The following PSMC2 variants were observed in gnomAD, a reference collection of about 807,000 sequenced individuals.
PSMC2 encodes 26S proteasome regulatory subunit 7.
A neutral mutation model predicts 53.3 loss-of-function variants in PSMC2; 7 were observed. The ratio of observed to expected loss-of-function variants is 0.13; its 90% CI spans 0.07 to 0.25. The LOEUF (loss-of-function observed/expected upper bound fraction) is 0.25. PSMC2 is among the 10% of genes least tolerant of loss of function. The pLI is 1.00. For missense variants in PSMC2, 241 were observed against 544.0 expected, an observed-to-expected ratio of 0.44 and a Z score of 5.54; for synonymous variants, 169 against 183.9, an observed-to-expected ratio of 0.92 and a Z score of 0.66.
chr7:103,368,356 G>A lies in PSMC2; in HGVS notation c.*302G>A, dbSNP rs928897391. The A allele has an allele frequency of 5.6e-5, 12 of 212,664 alleles. No individual in the cohort carries two copies. 13.2% of individuals were successfully genotyped at this position (212,664 alleles called of 1,614,324 possible). On this transcript the variant is annotated 3_prime_UTR_variant, in exon 12 of 12. Coordinates refer to ENST00000292644, the MANE Select transcript of PSMC2 (RefSeq NM_002803.4). ...GGTGCTCTACATATAAATTCTCATT[G>A]TATCCTCCCATCTGTCCACTGAGGA...
At chr7:103,362,166 G>C in intron 5 of PSMC2, 78 bp downstream of exon 5, 1 of 1,579,852 alleles carries the variant, frequency 6.3e-7, no homozygotes, top group Non-Finnish European at 8.6e-7. Flanking sequence ...GCTTTGTAGT[G>C]AATAAATGGA....
intron 4 of PSMC2, among the ~76,000 whole-genome samples, chr7:103,359,288 G>A (rs1820237277): frequency 6.6e-6 from 1 of 151,356 alleles, no homozygotes; most frequent in Admixed American, 6.6e-5. Context: ...GTGAGCCACC[G>A]TGCCCAGCCA....
At chr7:103,357,379 T>A (rs969003086) in intron 4 of PSMC2, among the ~76,000 whole-genome samples, 2 of 152,060 alleles carry the variant, frequency 1.3e-5, no homozygotes, top group African/African-American at 4.8e-5. Context: ...ACAACTGTAT[T>A]TCCCAATTTC....
intron 1 of PSMC2, among the ~76,000 whole-genome samples, chr7:103,351,471 T>G (rs1471214918): frequency 1.3e-5 from 2 of 152,218 alleles, no homozygotes; most frequent in Non-Finnish European, 2.9e-5. Flanking sequence ...CCCAGGGTTT[T>G]TATTATGGGT....
At chr7:103,352,651 T>G (rs1217948267) in intron 1 of PSMC2, 1 of 521,036 alleles carries the variant, frequency 1.9e-6, no homozygotes, top group African/African-American at 1.9e-5. Flanking sequence ...GCAATCCGCC[T>G]GTCTCGGCCT....
At chr7:103,355,871 C>A in intron 4 of PSMC2, 78 bp downstream of exon 4, 3 of 942,316 alleles carry the variant, frequency 3.2e-6, no homozygotes, top group Non-Finnish European at 4.7e-6. Context: ...AGGGATAATG[C>A]AATAGTTCAT....
chr7:103,355,780 T>C lies in PSMC2; in HGVS notation c.277T>C (p.Leu93=). 6.2e-7 allele frequency: 1 copy of C among 1,613,528 alleles called. No homozygotes were observed. The highest frequency in any genetic ancestry group is 8.5e-7 in the Non-Finnish European group (1 of 1,179,594). Reference sequence around the variant, plus strand: ...GCAGACACTCCAGAGTGAACAGCCTTTACAGGTTGCCAGGTATGCACGGGT... The same window carrying C: ...GCAGACACTCCAGAGTGAACAGCCTCTACAGGTTGCCAGGTATGCACGGGT... ...DKQTLQSEQP[L]QVARCTKIIN... The change falls in exon 4 of 12, where the codon TTA becomes CTA. Residue 93 remains leucine, a synonymous_variant. Transcript: ENST00000292644.
intron 5 of PSMC2, 119 bp downstream of exon 5, chr7:103,362,207 T>A: frequency 6.6e-7 from 1 of 1,521,062 alleles, no homozygotes; most frequent in Non-Finnish European, 8.7e-7. Flanking sequence ...AAGGATGATC[T>A]AGTAATGTAC....
intron 4 of PSMC2, among the ~76,000 whole-genome samples, chr7:103,360,601 G>T (rs1820325918): frequency 6.6e-6 from 1 of 152,082 alleles, no homozygotes; most frequent in South Asian, 2.1e-4. Flanking sequence ...CTACCTATGT[G>T]CGCACTCCAC....
intron 4 of PSMC2, among the ~76,000 whole-genome samples, chr7:103,358,546 C>T (rs1179249405): frequency 6.6e-6 from 1 of 151,836 alleles, no homozygotes; most frequent in South Asian, 2.1e-4. Flanking sequence ...TTTTCTTTAT[C>T]TTTGAATTTT....
At position 103,369,170 on chromosome 7, in the gene PSMC2, GAAATT is replaced by G. The variant is rs1254200789; in HGVS notation, c.*1120_*1124del. 1 of 152,084 alleles carries G rather than the reference GAAATT, an allele frequency of 6.6e-6. No homozygotes were observed. The highest frequency in any genetic ancestry group is 1.5e-5 in the Non-Finnish European group (1 of 67,994). The allele number at this position is 152,084 out of a possible 1,614,324, so 9.4% of individuals were successfully genotyped here. A position where few individuals can be genotyped will look rare whatever the true frequency, so the allele number is the denominator to read the frequency against. On this transcript the variant is annotated 3_prime_UTR_variant, in exon 12 of 12. Transcript: ENST00000292644. ...AAAATTATGAAAGTTTTCAAGTAAA[GAAATT>G]AAAGCCTTTTATAAAATCCAACCAA... is the stretch of plus-strand genomic sequence containing the variant.
In PSMC2 at chr7:103,368,057, C is replaced by A; in HGVS notation, c.*3C>A. 5 of 1,594,840 alleles carry A rather than the reference C, an allele frequency of 3.1e-6. No homozygotes were observed. The highest frequency in any genetic ancestry group is 4.3e-6 in the Non-Finnish European group (5 of 1,169,754). On this transcript the variant is annotated 3_prime_UTR_variant, in exon 12 of 12. Transcript: ENST00000292644. ...CTCGTTACATGACATACAACTGAAC[C>A]CTGAAGGCTTTCAAGTGAAAACTTT...
In PSMC2 at chr7:103,367,853, AG is replaced by A. The variant is rs1445599659; in HGVS notation, c.1145-42del. 2 of 1,612,828 alleles carry A rather than the reference AG, an allele frequency of 1.2e-6. No individual in the cohort carries two copies. The highest frequency in any genetic ancestry group is 1.7e-6 in the Non-Finnish European group (2 of 1,179,446). On this transcript the variant is annotated intron_variant, in intron 11 of 11. Transcript: ENST00000292644. This position sits in a 1 kb window ranked among gnomAD's most constrained non-coding sequence, Gnocchi z 6.1. Reference sequence around the variant, plus strand: ...CTTATATTTGCTGGTCTGTCTGCTCAGGCTGCTTTAATTAAGCCCGTTTATT... The same window carrying A: ...CTTATATTTGCTGGTCTGTCTGCTCAGCTGCTTTAATTAAGCCCGTTTATT...
At chr7:103,355,821 A>C (rs1293965630) in intron 4 of PSMC2, 28 bp downstream of exon 4, 1 of 1,499,462 alleles carries the variant, frequency 6.7e-7, no homozygotes, top group Non-Finnish European at 9.3e-7. Flanking sequence ...GTGGCAACTT[A>C]CCTTTGTCTG....
chr7:103,367,627 A>G lies in PSMC2; in HGVS notation c.1047+12A>G. 1.9e-6 allele frequency: 3 copies of G among 1,612,256 alleles called. No individual in the cohort carries two copies. Among genetic ancestry groups the G allele is most frequent in the Non-Finnish European group, 2.5e-6 (3 of 1,179,072 alleles). ...TGCCCGATCTAGAGGTAAGAAAACC[A>G]TTTCATTTTAGGAAAGGGATTTTTG... On this transcript the variant is annotated intron_variant, in intron 10 of 11. Coordinates refer to ENST00000292644, the MANE Select transcript of PSMC2 (RefSeq NM_002803.4). The surrounding 1 kb of genome is among the most constrained non-coding windows in gnomAD (Gnocchi z 6.1).
rs1163060332 is a variant in PSMC2, at chr7:103,368,764, A to G, written c.*710A>G. 6.6e-6 allele frequency: 1 copy of G among 152,234 alleles called. No homozygotes were observed. The highest frequency in any genetic ancestry group is 1.9e-4 in the East Asian group (1 of 5,206). The allele number at this position is 152,234 out of a possible 1,614,324, so 9.4% of individuals were successfully genotyped here. ...AAGACTAGTAAAAAAAGAAAAAAAA[A>G]TATTTGTACATATGATCTAATTTAG... On this transcript the variant is annotated 3_prime_UTR_variant, in exon 12 of 12. Transcript: ENST00000292644.
At chr7:103,360,748 C>G (rs1034379270) in intron 4 of PSMC2, among the ~76,000 whole-genome samples, 3 of 152,166 alleles carry the variant, frequency 2.0e-5, no homozygotes, top group South Asian at 2.1e-4. Flanking sequence ...CTATTTTATA[C>G]TGTGATGTGC....
At chr7:103,352,909 G>GTC in intron 1 of PSMC2, 1 of 780,838 alleles carries the variant, frequency 1.3e-6, no homozygotes, top group Non-Finnish European at 2.4e-6. Flanking sequence ...CCATCTTCTG[G>GTC]TCATCTCTGT....
intron 1 of PSMC2, among the ~76,000 whole-genome samples, chr7:103,349,714 T>G (rs985640598): frequency 1.3e-5 from 2 of 152,180 alleles, no homozygotes; most frequent in African/African-American, 4.8e-5. Flanking sequence ...CCTCCCAAAA[T>G]GCTGGGATTA....
Sources: allele counts gnomAD v4.1 joint callset (sites outside exome capture counted in the v4.1 genomes callset), GRCh38; gene constraint gnomAD v4.1.1; non-coding constraint Gnocchi (gnomAD v3.1); transcripts MANE v1.5; gene names NCBI Gene and HGNC (gene_info 2026-07-23, HGNC 2026-07-21).